The following TEAD1 variants were observed in gnomAD, a reference collection of about 807,000 sequenced individuals.
TEAD1 encodes TEA domain transcription factor 1.
Under a neutral mutation model 54.9 loss-of-function variants are expected in TEAD1, and 9 were observed. The ratio of observed to expected loss-of-function variants is 0.16; its 90% confidence interval spans 0.10 to 0.29. TEAD1 has a LOEUF of 0.29. Ranked by LOEUF, TEAD1 falls within the 10% of genes least tolerant of loss-of-function variation. The pLI is 1.00. For missense variants in TEAD1, 387 were observed against 535.9 expected (o/e 0.72, Z 2.74); for synonymous variants, 200 against 187.8 (o/e 1.07, Z -0.53).
chr11:12,943,774 A>G lies in TEAD1; in HGVS notation c.*6552A>G, dbSNP rs1336023610. On this transcript the variant is annotated 3_prime_UTR_variant, in exon 13 of 13. Transcript: ENST00000527636. ...GATTTTTTTTCATTAGTTATTTTCT[A>G]TCATTAGTTTCACTGTGTAAATTAG... The G allele has an allele frequency of 2.6e-5, 4 of 151,924 alleles. No homozygotes were observed. The highest frequency in any genetic ancestry group is 4.2e-4 in the South Asian group (2 of 4,816). 9.4% of individuals were successfully genotyped at this position (151,924 alleles called of 1,614,324 possible).
Position 12,866,938 on chromosome 11 carries a change from A to C in TEAD1, c.330+2038A>C, listed in dbSNP as rs1947630583. On this transcript the variant is annotated intron_variant, in intron 5 of 12. Coordinates refer to ENST00000527636, the MANE Select transcript of TEAD1 (RefSeq NM_021961.6). The stretch of plus-strand genomic sequence containing the variant: ...GGTAATAGCGGGAGCAGCCAAAATG[A>C]AATGTGGGGTGCATCCCGGGGATGA... 2.0e-5 allele frequency among the ~76,000 whole-genome samples: 3 copies of C among 152,182 alleles called. 1 individual carries two copies. Among genetic ancestry groups the C allele is most frequent in the Non-Finnish European group, 4.4e-5 (3 of 68,036 alleles).
At chr11:12,803,182 C>T (rs796159079) in intron 3 of TEAD1, among the ~76,000 whole-genome samples, 3 of 152,114 alleles carry the variant, frequency 2.0e-5, no homozygotes, top group Non-Finnish European at 2.9e-5. Flanking sequence ...CCCCTTTCCC[C>T]GAGAGGCTTT....
rs1258023837 is a variant in TEAD1, at chr11:12,674,724, CCCAGGGACCGGGAG to C, written c.-315_-302del. ...GCTAGGCAGGGGTGGGGTGGCCGGG[CCCAGGGACCGGGAG>C]CCGGGGAGGGAGCCGGGCACCGAGC... On this transcript the variant is annotated 5_prime_UTR_variant, in exon 1 of 13. Transcript: ENST00000527636. The C allele has an allele frequency of 6.6e-6, 1 of 151,010 alleles. No individual in the cohort carries two copies. The highest frequency in any genetic ancestry group is 2.0e-4 in the East Asian group (1 of 5,044). The allele number at this position is 151,010 out of a possible 1,614,324, so 9.4% of individuals were successfully genotyped here. A position where few individuals can be genotyped will look rare whatever the true frequency, so the allele number is the denominator to read the frequency against.
chr11:12,872,702 T>G (rs1384162895), intron 5 of TEAD1, among the ~76,000 whole-genome samples: 1 of 152,180 alleles, frequency 6.6e-6, no homozygotes, highest in Non-Finnish European at 1.5e-5. Context: ...TTTTTATCTC[T>G]TCATAGCGAA....
At chr11:12,715,158 T>A (rs987821699) in intron 2 of TEAD1, among the ~76,000 whole-genome samples, 1 of 152,084 alleles carries the variant, frequency 6.6e-6, no homozygotes, top group East Asian at 1.9e-4. Flanking sequence ...GCTTCCAGTT[T>A]CTGTTTGGGA....
intron 10 of TEAD1, among the ~76,000 whole-genome samples, chr11:12,903,564 C>A (rs555852249): frequency 7.5e-4 from 114 of 152,238 alleles, no homozygotes; most frequent in Admixed American, 1.4e-3. Context: ...CCTGTAATTC[C>A]AGCACTTTGG....
chr11:12,810,709 G>A (rs1383993529), intron 3 of TEAD1, among the ~76,000 whole-genome samples: 3 of 152,200 alleles, frequency 2.0e-5, no homozygotes, highest in Non-Finnish European at 2.9e-5. Context: ...TCATGCTGAC[G>A]AGCACAGTGG....
chr11:12,792,077 T>G (rs554978127), intron 3 of TEAD1, among the ~76,000 whole-genome samples: 1 of 152,222 alleles, frequency 6.6e-6, no homozygotes, highest in Non-Finnish European at 1.5e-5. Flanking sequence ...GTGATGGACA[T>G]TGGGCATGTG....
At chr11:12,918,788 C>T (rs1378892388) in intron 10 of TEAD1, among the ~76,000 whole-genome samples, 1 of 152,122 alleles carries the variant, frequency 6.6e-6, no homozygotes, top group Non-Finnish European at 1.5e-5. Context: ...ATTTTTCATT[C>T]AATGGAATAT....
At chr11:12,924,161 G>T (rs1464357137) in intron 10 of TEAD1, among the ~76,000 whole-genome samples, 5 of 152,150 alleles carry the variant, frequency 3.3e-5, no homozygotes, top group Admixed American at 3.3e-4. Flanking sequence ...CAGCACTCCA[G>T]GCCTTGGCCT....
chr11:12,800,957 T>C (rs61878761), intron 3 of TEAD1, among the ~76,000 whole-genome samples: 14 of 152,226 alleles, frequency 9.2e-5, no homozygotes, highest in Non-Finnish European at 1.3e-4. Context: ...GAATTGGTGG[T>C]TTAAAAATTC....
intron 12 of TEAD1, among the ~76,000 whole-genome samples, chr11:12,933,030 T>G (rs1034289394): frequency 3.9e-5 from 6 of 152,184 alleles, no homozygotes; most frequent in Non-Finnish European, 7.4e-5. Flanking sequence ...GGCTACACCA[T>G]ATAGCCTAGG....
intron 12 of TEAD1, 92 bp downstream of exon 12, chr11:12,930,418 G>GCCT: frequency 6.6e-7 from 1 of 1,514,866 alleles, no homozygotes; most frequent in Non-Finnish European, 9.1e-7. Context: ...CTGGGCCTGC[G>GCCT]CCGAGGGAAC....
chr11:12,921,627 A>G (rs1948809297), intron 10 of TEAD1, among the ~76,000 whole-genome samples: 1 of 152,170 alleles, frequency 6.6e-6, no homozygotes, highest in Non-Finnish European at 1.5e-5. Flanking sequence ...AAGCACCTGA[A>G]CTGCTTTTCA....
intron 2 of TEAD1, among the ~76,000 whole-genome samples, chr11:12,746,669 C>A (rs1156620539): frequency 6.6e-6 from 1 of 152,210 alleles, no homozygotes; most frequent in East Asian, 1.9e-4. Flanking sequence ...GCTGCTCTTT[C>A]TCACCTCTGG....
chr11:12,936,088 C>T (rs370220656), intron 12 of TEAD1, among the ~76,000 whole-genome samples: 1 of 152,188 alleles, frequency 6.6e-6, no homozygotes, highest in African/African-American at 2.4e-5. Flanking sequence ...TTCATTCAAA[C>T]AATGCTTTGG....
chr11:12,793,257 A>G (rs1945842602), intron 3 of TEAD1, among the ~76,000 whole-genome samples: 1 of 152,188 alleles, frequency 6.6e-6, no homozygotes. Context: ...TTTAGGACCA[A>G]TTCCAAGAAG....
chr11:12,846,041 T>G (rs1442409121), intron 3 of TEAD1, among the ~76,000 whole-genome samples: 1 of 152,254 alleles, frequency 6.6e-6, no homozygotes, highest in East Asian at 1.9e-4. Context: ...GCACTTATTG[T>G]CATGTTATGT....
At chr11:12,783,607 G>A (rs999765903) in intron 3 of TEAD1, among the ~76,000 whole-genome samples, 1 of 152,272 alleles carries the variant, frequency 6.6e-6, no homozygotes, top group African/African-American at 2.4e-5. Flanking sequence ...ACTCAAGGTC[G>A]AATGGCTACT....
Sources: allele counts gnomAD v4.1 joint callset (sites outside exome capture counted in the v4.1 genomes callset), GRCh38; gene constraint gnomAD v4.1.1; transcripts MANE v1.5; gene names NCBI Gene and HGNC (gene_info 2026-07-23, HGNC 2026-07-21).